The following GRID2 variants were observed in gnomAD, a reference collection of about 807,000 sequenced individuals.
GRID2 encodes glutamate receptor ionotropic, delta-2.
Under a neutral mutation model 114.8 loss-of-function variants are expected in GRID2, and 33 were observed. The ratio of observed to expected loss-of-function variants is 0.29; its 90% CI spans 0.22 to 0.38. The LOEUF (loss-of-function observed/expected upper bound fraction) is 0.38. Ranked by LOEUF, GRID2 falls within the 10% of genes least tolerant of loss-of-function variation. GRID2 has a pLI of 1.00. For missense variants in GRID2, 1,184 were observed against 1,257.7 expected, an observed-to-expected ratio of 0.94 and a Z score of 0.89; for synonymous variants, 505 against 449.9, an observed-to-expected ratio of 1.12 and a Z score of -1.55.
At chr4:92,321,334 T>C (rs1726302920) in intron 1 of GRID2, among the ~76,000 whole-genome samples, 1 of 152,312 alleles carries the variant, frequency 6.6e-6, no homozygotes, top group Admixed American at 6.5e-5. Flanking sequence ...GATCTGCAGA[T>C]GGAAGAACGT....
chr4:92,989,048 C>T lies in GRID2; in HGVS notation c.245-95947C>T, dbSNP rs191436153. 7.3e-4 allele frequency among the ~76,000 whole-genome samples: 111 copies of T among 152,038 alleles called. No individual in the cohort carries two copies. The East Asian group carries it at 0.011, about 16-fold the overall frequency. On this transcript the variant is annotated intron_variant, in intron 2 of 15. Coordinates refer to ENST00000282020, the MANE Select transcript of GRID2 (RefSeq NM_001510.4). Reference sequence around the variant, plus strand: ...TAATCCCAGGCATGGGAAGCCGAAGCGGGCAGATCACGAGGTCCGGAGATG... The same window carrying T: ...TAATCCCAGGCATGGGAAGCCGAAGTGGGCAGATCACGAGGTCCGGAGATG...
intron 10 of GRID2, among the ~76,000 whole-genome samples, chr4:93,434,975 C>T (rs1383427038): frequency 1.3e-5 from 2 of 151,922 alleles, no homozygotes; most frequent in Non-Finnish European, 2.9e-5. Context: ...TTTTTTTCAG[C>T]ATTTGCTTAA....
chr4:92,929,147 T>C (rs1750042542), intron 2 of GRID2, among the ~76,000 whole-genome samples: 1 of 151,446 alleles, frequency 6.6e-6, no homozygotes, highest in African/African-American at 2.4e-5. Flanking sequence ...TCCTCAATCT[T>C]TAAAGGAGCC....
intron 2 of GRID2, among the ~76,000 whole-genome samples, chr4:92,614,481 C>T (rs1729906587): frequency 6.6e-6 from 1 of 151,514 alleles, no homozygotes; most frequent in South Asian, 2.1e-4. Flanking sequence ...ATTTATTTCA[C>T]CAATGGGTGC....
At chr4:92,564,843 G>T (rs1223946743) in intron 1 of GRID2, among the ~76,000 whole-genome samples, 1 of 151,910 alleles carries the variant, frequency 6.6e-6, no homozygotes, top group Non-Finnish European at 1.5e-5. Context: ...GTGCTACAAG[G>T]CCAAATATAT....
chr4:92,929,302 A>C (rs1211064158), intron 2 of GRID2, among the ~76,000 whole-genome samples: 2 of 151,300 alleles, frequency 1.3e-5, no homozygotes, highest in Non-Finnish European at 3.0e-5. Context: ...ACATATGTGG[A>C]TACAGATTTC....
chr4:93,154,422 C>G (rs1054452404), intron 4 of GRID2, among the ~76,000 whole-genome samples: 27 of 151,986 alleles, frequency 1.8e-4, no homozygotes, highest in African/African-American at 6.5e-4. Context: ...AATTTATAGG[C>G]TAACCTTGCC....
intron 13 of GRID2, among the ~76,000 whole-genome samples, chr4:93,614,284 C>G (rs972779945): frequency 1.3e-5 from 2 of 152,172 alleles, no homozygotes; most frequent in African/African-American, 4.8e-5. Context: ...GCGTCGCTCA[C>G]GCTGGGAGCT....
intron 2 of GRID2, chr4:92,702,203 G>A (rs13148931): frequency 6.6e-6 from 1 of 152,068 alleles, no homozygotes; most frequent in Non-Finnish European, 1.5e-5. Context: ...AAGCGCCCTC[G>A]CCCTATAGAT....
chr4:93,143,117 C>T (rs189066356), intron 4 of GRID2, among the ~76,000 whole-genome samples: 2 of 152,204 alleles, frequency 1.3e-5, no homozygotes, highest in East Asian at 3.9e-4. Flanking sequence ...CTGCCTTTTG[C>T]TGTAGAAGTT....
At chr4:92,523,527 A>AAG (rs1469134119) in intron 1 of GRID2, among the ~76,000 whole-genome samples, 1 of 152,102 alleles carries the variant, frequency 6.6e-6, no homozygotes, top group Non-Finnish European at 1.5e-5. Context: ...TAGGTAAAGG[A>AAG]AGAGAGACAT....
chr4:93,072,772 T>C (rs1455548145), intron 2 of GRID2, among the ~76,000 whole-genome samples: 1 of 152,188 alleles, frequency 6.6e-6, no homozygotes, highest in Non-Finnish European at 1.5e-5. Context: ...ATTTTATGAC[T>C]AGATACTAGT....
chr4:92,340,454 C>T (rs928568785), intron 1 of GRID2, among the ~76,000 whole-genome samples: 1 of 152,148 alleles, frequency 6.6e-6, no homozygotes, highest in Non-Finnish European at 1.5e-5. Flanking sequence ...TGCTTAATTT[C>T]CAGTTCACTC....
chr4:92,493,035 C>G (rs1033942815), intron 1 of GRID2, among the ~76,000 whole-genome samples: 1 of 146,932 alleles, frequency 6.8e-6, no homozygotes, highest in Non-Finnish European at 1.5e-5. Flanking sequence ...AGGCTGAGGT[C>G]GGAGAATTGC....
chr4:93,033,726 T>A (rs1724656541), intron 2 of GRID2, among the ~76,000 whole-genome samples: 2 of 152,162 alleles, frequency 1.3e-5, no homozygotes, highest in Admixed American at 1.3e-4. Context: ...TTTTATGAAT[T>A]TTCATTTGTT....
intron 13 of GRID2, among the ~76,000 whole-genome samples, chr4:93,615,004 C>G (rs1271136759): frequency 6.6e-6 from 1 of 152,126 alleles, no homozygotes; most frequent in Non-Finnish European, 1.5e-5. Flanking sequence ...TGAATATAGT[C>G]AAACATAAAA....
At chr4:92,978,329 A>T (rs1373124181) in intron 2 of GRID2, among the ~76,000 whole-genome samples, 1 of 151,988 alleles carries the variant, frequency 6.6e-6, no homozygotes, top group Non-Finnish European at 1.5e-5. Flanking sequence ...TTGATTTCTA[A>T]CTCTCATTCC....
chr4:93,040,430 G>C (rs1036256009), intron 2 of GRID2, among the ~76,000 whole-genome samples: 1 of 152,108 alleles, frequency 6.6e-6, no homozygotes, highest in African/African-American at 2.4e-5. Context: ...CATCAGTTTG[G>C]TCTTGAAGTT....
intron 8 of GRID2, among the ~76,000 whole-genome samples, chr4:93,240,990 T>C (rs1183382263): frequency 6.6e-6 from 1 of 151,636 alleles, no homozygotes; most frequent in Non-Finnish European, 1.5e-5. Context: ...TGAAAGTTTA[T>C]ATAAATGGAT....
Sources: allele counts gnomAD v4.1 joint callset (sites outside exome capture counted in the v4.1 genomes callset), GRCh38; gene constraint gnomAD v4.1.1; transcripts MANE v1.5; gene names NCBI Gene and HGNC (gene_info 2026-07-23, HGNC 2026-07-21).